Variants in WDR91 observed in about 807,000 individuals in gnomAD.
WDR91 encodes the protein WD repeat domain 91, also known as WD repeat-containing protein 91.
Under a neutral mutation model 88.4 loss-of-function variants are expected in WDR91, and 52 were observed. That is an observed-to-expected ratio of 0.59 (90% CI 0.47 to 0.74). The LOEUF is 0.74. WDR91 is among the 30% of genes least tolerant of loss of function. The probability of loss-of-function intolerance (pLI) is 0.00; values close to 1 mark genes in which losing one functional copy is unlikely to be tolerated. For missense variants in WDR91, 824 were observed against 954.5 expected (o/e 0.86, Z 1.80); for synonymous variants, 362 against 389.5 (o/e 0.93, Z 0.83).
At chr7:135,202,320 T>A (rs1160675788) in intron 6 of WDR91, 1 of 152,252 alleles carries the variant, frequency 6.6e-6, no homozygotes, top group Non-Finnish European at 1.5e-5. Context: ...ACGTGAAACA[T>A]TAATGCTGAA....
At position 135,211,442 on chromosome 7, in the gene WDR91, A is replaced by G; in HGVS notation, c.61T>C (p.Phe21Leu). Residue 21 changes from phenylalanine (F) to leucine (L), a missense_variant, in exon 1 of 15, where the codon TTC becomes CTC. Physicochemically the swap from Phe to Leu is conservative, Grantham distance 22. Transcript: ENST00000354475. ...TCCAGCTGCCGCAGTGTGTGCGTGAACCCGCGGAAGAGCAGGTACTCCCGG... is the reference window on the plus strand; with the variant it reads ...TCCAGCTGCCGCAGTGTGTGCGTGAGCCCGCGGAAGAGCAGGTACTCCCGG... ...LVREYLLFRG[F>L]THTLRQLDAE... is the part of the protein sequence containing the mutation. 1 of 1,612,096 alleles carries G rather than the reference A, an allele frequency of 6.2e-7. No homozygotes were observed. Among genetic ancestry groups the G allele is most frequent in the Non-Finnish European group, 8.5e-7 (1 of 1,179,232 alleles).
intron 4 of WDR91, 153 bp downstream of exon 4, chr7:135,206,967 C>T (rs1831813343): frequency 2.3e-6 from 1 of 428,904 alleles, no homozygotes; most frequent in Non-Finnish European, 4.3e-6. Flanking sequence ...CTCTCCAAAT[C>T]CCCAATACTG....
intron 9 of WDR91, among the ~76,000 whole-genome samples, chr7:135,194,412 A>T (rs1831286772): frequency 6.6e-6 from 1 of 152,218 alleles, no homozygotes; most frequent in African/African-American, 2.4e-5. Flanking sequence ...ATGTGGTATG[A>T]TCCCCACAAA....
Position 135,188,682 on chromosome 7 carries a change from A to G in WDR91, c.1769-137T>C, listed in dbSNP as rs531874648. On this transcript the variant is annotated intron_variant, in intron 12 of 14. Transcript: ENST00000354475. ...GCCAAGGGCAGGCACCCAGGACCCA[A>G]TGAGCGCCATAAAGCTGCCCCTGCC... 177 of 720,018 alleles carry G rather than the reference A, an allele frequency of 2.5e-4. 3 individuals are homozygous for G. Among genetic ancestry groups the G allele is most frequent in the South Asian group, 1.5e-3 (93 of 60,740 alleles). The allele number at this position is 720,018 out of a possible 1,614,324, so 44.6% of individuals were successfully genotyped here. A position where few individuals can be genotyped will look rare whatever the true frequency, so the allele number is the denominator to read the frequency against.
intron 6 of WDR91, chr7:135,200,186 A>G (rs1831521215): frequency 6.6e-6 from 1 of 152,262 alleles, no homozygotes; most frequent in South Asian, 2.1e-4. Flanking sequence ...AAACTTTTTA[A>G]TAAGTAGGTG....
chr7:135,205,894 C>T, intron 5 of WDR91, 34 bp downstream of exon 5: 1 of 1,611,786 alleles, frequency 6.2e-7, no homozygotes, highest in Non-Finnish European at 8.5e-7. Flanking sequence ...GCACAGAGGG[C>T]AAAGAAAAGG....
chr7:135,209,806 C>A, intron 1 of WDR91, 51 bp from the exon 2 acceptor site: 1 of 1,429,696 alleles, frequency 7.0e-7, no homozygotes, highest in Non-Finnish European at 9.3e-7. Flanking sequence ...AGGGAATTCT[C>A]CCCTCCATGG....
chr7:135,209,348 T>A (rs1831928736), intron 2 of WDR91, among the ~76,000 whole-genome samples: 1 of 152,198 alleles, frequency 6.6e-6, no homozygotes, highest in East Asian at 1.9e-4. Flanking sequence ...TAAGCTTACA[T>A]GCTTAACATA....
At chr7:135,210,790 T>A (rs1378218558) in intron 1 of WDR91, 1 of 703,566 alleles carries the variant, frequency 1.4e-6, no homozygotes, top group African/African-American at 1.7e-5. Context: ...TTGAAGTCAG[T>A]ACACACAAAC....
In WDR91 at chr7:135,191,604, CAAAAAAAA is replaced by C. The variant is rs10717249; in HGVS notation, c.1659+1619_1659+1626del. Among the ~76,000 whole-genome samples, 4 of 82,930 alleles carry C rather than the reference CAAAAAAAA, an allele frequency of 4.8e-5. No individual in the cohort carries two copies. The Admixed American group carries it at 6.2e-4, about 13-fold the overall frequency. The allele number at this position is 82,930 out of a possible 152,430, so 54.4% of individuals were successfully genotyped here. ...TGGGTGACAGAGCAAGACTCCATCT[CAAAAAAAA>C]AAAAAAAAAAAAAGTAAGGCAACAG... On this transcript the variant is annotated intron_variant, in intron 11 of 14. Coordinates refer to ENST00000354475, the MANE Select transcript of WDR91 (RefSeq NM_014149.4).
intron 6 of WDR91, chr7:135,199,256 C>T (rs1585422897): frequency 6.6e-6 from 1 of 152,208 alleles, no homozygotes; most frequent in African/African-American, 2.4e-5. Flanking sequence ...TACCTGGAAC[C>T]AAACCATGAC....
intron 13 of WDR91, 46 bp from the exon 14 acceptor site, chr7:135,187,215 A>G (rs776476720): frequency 1.2e-6 from 2 of 1,601,600 alleles, no homozygotes; most frequent in East Asian, 4.5e-5. Context: ...GGAGCTGGCC[A>G]ATGCAGGCCT....
chr7:135,208,720 C>T, intron 3 of WDR91, 71 bp downstream of exon 3: 1 of 1,389,252 alleles, frequency 7.2e-7, no homozygotes, highest in African/African-American at 1.5e-5. Flanking sequence ...GTATGGAGAC[C>T]AGCGGGCTAC....
Position 135,196,227 on chromosome 7 carries a change from AC to A in WDR91, c.1160del (p.Gly387ValfsTer40). The A allele has an allele frequency of 6.2e-7, 1 of 1,611,454 alleles. No homozygotes were observed. The highest frequency in any genetic ancestry group is 8.5e-7 in the Non-Finnish European group (1 of 1,178,832). Reference sequence around the variant, plus strand: ...AGGGCTGCTCGGGGCGGACTCCTCCACCCTCAGGGCCTGCCGAGGATGCCCG... The same window carrying A: ...AGGGCTGCTCGGGGCGGACTCCTCCACCTCAGGGCCTGCCGAGGATGCCCG... The part of the protein sequence containing the change: ...LTRASSAGPE[G>X]GGVRPEQPFI... On this transcript the variant is annotated frameshift_variant, in exon 8 of 15. Transcript: ENST00000354475. LOFTEE classifies it high-confidence loss of function. The surrounding 1 kb of genome is among the most constrained non-coding windows in gnomAD (Gnocchi z 4.2).
chr7:135,204,587 T>A, intron 5 of WDR91, 154 bp from the exon 6 acceptor site: 1 of 743,314 alleles, frequency 1.3e-6, no homozygotes, highest in Admixed American at 3.1e-5. Context: ...CTTGGCATCA[T>A]TTTTTTGCAC....
At chr7:135,204,196 A>T in intron 6 of WDR91, 72 bp downstream of exon 6, 1 of 1,564,878 alleles carries the variant, frequency 6.4e-7, no homozygotes, top group Non-Finnish European at 8.7e-7. Flanking sequence ...ACACTTGACC[A>T]GGAGGTCTGG....
intron 14 of WDR91, 29 bp downstream of exon 14, chr7:135,186,941 CCA>C: frequency 6.2e-7 from 1 of 1,612,182 alleles, no homozygotes; most frequent in Non-Finnish European, 8.5e-7. Context: ...CACCACAATA[CCA>C]CTACCTCCCA....
chr7:135,190,065 G>A (rs1482498353), intron 11 of WDR91, among the ~76,000 whole-genome samples: 1 of 152,010 alleles, frequency 6.6e-6, no homozygotes, highest in East Asian at 1.9e-4. Flanking sequence ...AATCCTCTAG[G>A]GCCACAACTA....
Position 135,185,395 on chromosome 7 carries a change from T to C in WDR91, c.*756A>G, listed in dbSNP as rs1263616031. ...GCAAATATTCCAAAGTCTGAAAAAA[T>C]CCAAAATCTGTAACACTCCTGTCCC... On this transcript the variant is annotated 3_prime_UTR_variant, in exon 15 of 15. Transcript: ENST00000354475. 1 of 151,930 alleles carries C rather than the reference T, an allele frequency of 6.6e-6. No homozygotes were observed. The highest frequency in any genetic ancestry group is 1.5e-5 in the Non-Finnish European group (1 of 67,992). The allele number at this position is 151,930 out of a possible 1,614,324, so 9.4% of individuals were successfully genotyped here.
Sources: allele counts gnomAD v4.1 joint callset (sites outside exome capture counted in the v4.1 genomes callset), GRCh38; gene constraint gnomAD v4.1.1; non-coding constraint Gnocchi (gnomAD v3.1); transcripts MANE v1.5; gene names NCBI Gene and HGNC (gene_info 2026-07-23, HGNC 2026-07-21).